APPBP2: variants seen among roughly 807,000 people sequenced by gnomAD.
The protein encoded by APPBP2 is amyloid protein-binding protein 2.
Under a neutral mutation model 76.0 loss-of-function variants are expected in APPBP2, and 15 were observed. The observed-to-expected ratio is 0.20, with a 90% CI of 0.13 to 0.30. APPBP2 has a LOEUF of 0.30. APPBP2 is among the 10% of genes least tolerant of loss of function. The probability of loss-of-function intolerance (pLI) is 1.00; values close to 1 mark genes in which losing one functional copy is unlikely to be tolerated. For missense variants in APPBP2, 401 were observed against 687.2 expected, an observed-to-expected ratio of 0.58 and a Z score of 4.66; for synonymous variants, 222 against 242.2, an observed-to-expected ratio of 0.92 and a Z score of 0.77.
At chr17:60,515,453 C>T (rs147246101) in intron 1 of APPBP2, among the ~76,000 whole-genome samples, 22 of 152,254 alleles carry the variant, frequency 1.4e-4, no homozygotes, top group African/African-American at 2.6e-4. Flanking sequence ...AACATGCATA[C>T]AGAAGAGCGC....
intron 4 of APPBP2, among the ~76,000 whole-genome samples, chr17:60,477,722 T>C (rs907044967): frequency 2.6e-5 from 4 of 151,582 alleles, no homozygotes; most frequent in Admixed American, 6.6e-5. Context: ...AACTTCAGGA[T>C]TGAATGTCTG....
At chr17:60,515,776 G>GA (rs2090958475) in intron 1 of APPBP2, among the ~76,000 whole-genome samples, 1 of 152,212 alleles carries the variant, frequency 6.6e-6, no homozygotes, top group Non-Finnish European at 1.5e-5. Flanking sequence ...CCAACTACTA[G>GA]ACTGGTATAC....
intron 1 of APPBP2, among the ~76,000 whole-genome samples, chr17:60,510,619 G>A (rs2090904135): frequency 6.6e-6 from 1 of 151,918 alleles, no homozygotes; most frequent in Admixed American, 6.6e-5. Context: ...GGGAGGCTGA[G>A]GTGGGAGGTT....
intron 6 of APPBP2, 104 bp from the exon 7 acceptor site, chr17:60,462,165 C>T: frequency 1.2e-6 from 1 of 861,678 alleles, no homozygotes; most frequent in African/African-American, 1.7e-5. Context: ...AGAAAAAAAA[C>T]CCTCCAAACA....
rs188016576 is a variant in APPBP2, at chr17:60,479,763, A to G, written c.380-492T>C. On this transcript the variant is annotated intron_variant, in intron 3 of 12. Transcript: ENST00000083182. ...GTCCTGGGCAGTATTTCCTCAGCAT[A>G]TTATCTTTTTGAGGATTCTGCCTCC... Among the ~76,000 whole-genome samples, 21 of 152,272 alleles carry G rather than the reference A, an allele frequency of 1.4e-4. No individual in the cohort carries two copies. The East Asian group carries it at 3.5e-3, about 25-fold the overall frequency.
At chr17:60,513,292 T>C in intron 1 of APPBP2, 1 of 518,410 alleles carries the variant, frequency 1.9e-6, no homozygotes, top group South Asian at 2.4e-5. Flanking sequence ...AATCAATGTA[T>C]ATTTGGGAAA....
chr17:60,482,628 CCT>C (rs2090639216), intron 3 of APPBP2, among the ~76,000 whole-genome samples: 1 of 152,108 alleles, frequency 6.6e-6, no homozygotes, highest in Non-Finnish European at 1.5e-5. Flanking sequence ...GGTTCCCTGC[CCT>C]GTGTCCAAGT....
In APPBP2 at chr17:60,444,235, A is replaced by ATC. The variant is rs2090327184; in HGVS notation, c.*3345_*3346insGA. 1 of 152,592 alleles carries ATC rather than the reference A, an allele frequency of 6.6e-6. No individual in the cohort carries two copies. Among genetic ancestry groups the ATC allele is most frequent in the Non-Finnish European group, 1.5e-5 (1 of 68,044 alleles). 9.5% of individuals were successfully genotyped at this position (152,592 alleles called of 1,614,324 possible). ...ATAAAACCCCAAAAACTTTGTACTTATAGTGTTTTTCCAGTAGTAACTTTG... is the reference window on the plus strand; with the variant it reads ...ATAAAACCCCAAAAACTTTGTACTTATCTAGTGTTTTTCCAGTAGTAACTTTG... On this transcript the variant is annotated 3_prime_UTR_variant, in exon 13 of 13. Transcript: ENST00000083182.
At chr17:60,451,751 T>C in intron 12 of APPBP2, 129 bp downstream of exon 12, 1 of 761,030 alleles carries the variant, frequency 1.3e-6, no homozygotes, top group Non-Finnish European at 2.1e-6. Flanking sequence ...AGTGCTGGGA[T>C]TACAGGTATG....
rs1567934555 is a variant in APPBP2, at chr17:60,495,432, TTTATTTATTA to T, written c.228-825_228-816del. ...CAATAGAATTTTTAAAAATATTTTATTTATTTATTATTTATTTATTTATTTATTTATTTAT... is the reference window on the plus strand; with the variant it reads ...CAATAGAATTTTTAAAAATATTTTATTTTATTTATTTATTTATTTATTTAT... On this transcript the variant is annotated intron_variant, in intron 2 of 12. Coordinates refer to ENST00000083182, the MANE Select transcript of APPBP2 (RefSeq NM_006380.5). Among the ~76,000 whole-genome samples, 1,113 of 128,934 alleles carry T rather than the reference TTTATTTATTA, an allele frequency of 8.6e-3. 22 individuals carry two copies. The highest frequency in any genetic ancestry group is 0.036 in the African/African-American group (1,062 of 29,712). 84.6% of individuals were successfully genotyped at this position (128,934 alleles called of 152,430 possible). A position where few individuals can be genotyped will look rare whatever the true frequency, so the allele number is the denominator to read the frequency against.
At chr17:60,480,749 T>A (rs947744535) in intron 3 of APPBP2, among the ~76,000 whole-genome samples, 4 of 152,124 alleles carry the variant, frequency 2.6e-5, no homozygotes, top group African/African-American at 9.7e-5. Context: ...CTAGAGTCTG[T>A]TTGAGGATGC....
At chr17:60,485,472 T>A (rs571727194) in intron 3 of APPBP2, among the ~76,000 whole-genome samples, 14 of 152,332 alleles carry the variant, frequency 9.2e-5, no homozygotes, top group Admixed American at 7.2e-4. Context: ...TCTTTTAGAT[T>A]TTCTAGTTTA....
intron 12 of APPBP2, among the ~76,000 whole-genome samples, chr17:60,449,953 CG>C (rs1295358441): frequency 6.6e-6 from 1 of 151,826 alleles, no homozygotes; most frequent in Admixed American, 6.6e-5. Flanking sequence ...TACTGTACCA[CG>C]CCCGGCTAAT....
Position 60,444,428 on chromosome 17 carries a change from T to G in APPBP2, c.*3153A>C, listed in dbSNP as rs2090328908. ...GTTCACTGCAGTTTTCTGTCTGCAC[T>G]ATTAAGGAGCAGCCAAATGGCACCT... On this transcript the variant is annotated 3_prime_UTR_variant, in exon 13 of 13. Transcript: ENST00000083182. 1 of 152,170 alleles carries G rather than the reference T, an allele frequency of 6.6e-6. No homozygotes were observed. The highest frequency in any genetic ancestry group is 2.1e-4 in the South Asian group (1 of 4,830). 9.4% of individuals were successfully genotyped at this position (152,170 alleles called of 1,614,324 possible). A position where few individuals can be genotyped will look rare whatever the true frequency, so the allele number is the denominator to read the frequency against.
chr17:60,448,610 T>C (rs1415950865), intron 12 of APPBP2, among the ~76,000 whole-genome samples: 2 of 152,354 alleles, frequency 1.3e-5, no homozygotes, highest in African/African-American at 2.4e-5. Context: ...TGGCATATTA[T>C]GTAGCTGCAA....
chr17:60,515,970 G>C (rs2090959798), intron 1 of APPBP2, among the ~76,000 whole-genome samples: 3 of 152,178 alleles, frequency 2.0e-5, no homozygotes, highest in Admixed American at 2.0e-4. Context: ...TTGGAGACCA[G>C]CTTGGCCAAC....
chr17:60,525,960 GCCT>G lies in APPBP2; in HGVS notation c.-32_-30del. The G allele has an allele frequency of 1.3e-6, 2 of 1,557,628 alleles. No individual in the cohort carries two copies. Among genetic ancestry groups the G allele is most frequent in the Non-Finnish European group, 1.7e-6 (2 of 1,148,642 alleles). On this transcript the variant is annotated 5_prime_UTR_variant, in exon 1 of 13. Transcript: ENST00000083182. ...CCTTCCCTCCTCCTCCGCCTCCTCCGCCTCCTCCTCCCGAAGGCCCCCACCTCC... is the reference window on the plus strand; with the variant it reads ...CCTTCCCTCCTCCTCCGCCTCCTCCGCCTCCTCCCGAAGGCCCCCACCTCC...
chr17:60,507,163 T>C (rs1389076285), intron 1 of APPBP2, among the ~76,000 whole-genome samples: 1 of 152,152 alleles, frequency 6.6e-6, no homozygotes, highest in African/African-American at 2.4e-5. Context: ...CATACCCAAG[T>C]AGCAAAACAG....
At chr17:60,484,331 T>A (rs2090655737) in intron 3 of APPBP2, among the ~76,000 whole-genome samples, 1 of 152,222 alleles carries the variant, frequency 6.6e-6, no homozygotes, top group African/African-American at 2.4e-5. Context: ...TACAGCCATT[T>A]TCATGATACT....
Sources: gnomAD v4.1 joint callset for allele counts (sites outside exome capture counted in the v4.1 genomes callset) on GRCh38, gnomAD v4.1.1 for gene constraint, MANE v1.5 for transcripts, NCBI Gene and HGNC (gene_info 2026-07-23, HGNC 2026-07-21) for gene names.